The following TENM2 variants were observed in gnomAD, a reference collection of about 807,000 sequenced individuals.
TENM2 encodes teneurin transmembrane protein 2.
A neutral mutation model predicts 245.2 loss-of-function variants in TENM2; 52 were observed. The ratio of observed to expected loss-of-function variants is 0.21; its 90% CI spans 0.17 to 0.27. TENM2 has a LOEUF of 0.27. Among genes scored for constraint, TENM2 ranks in the 10% least tolerant of loss-of-function variants. The pLI is 1.00. For synonymous variants in TENM2, 1,363 were observed against 1,438.9 expected, an observed-to-expected ratio of 0.95 and a Z score of 1.19; for missense variants, 3,046 against 3,666.8, an observed-to-expected ratio of 0.83 and a Z score of 4.37.
chr5:166,979,194 C>CCACCAGCAGCAGCAGCAG, the TENM2 span, among the ~76,000 whole-genome samples: 86 of 142,130 alleles, frequency 6.1e-4, 1 homozygote, highest in African/African-American at 1.9e-3. Flanking sequence ...AGCACCACCA[C>CCACCAGCAGCAGCAGCAG]CAGCAGCAGC....
intron 2 of TENM2, among the ~76,000 whole-genome samples, chr5:167,439,165 G>T (rs1449859851): frequency 6.6e-6 from 1 of 152,136 alleles, no homozygotes; most frequent in African/African-American, 2.4e-5. Context: ...AGGTGATCAG[G>T]TTAGTTTTAA....
intron 2 of TENM2, among the ~76,000 whole-genome samples, chr5:167,557,691 C>G (rs555422484): frequency 3.3e-5 from 5 of 152,114 alleles, no homozygotes; most frequent in Non-Finnish European, 7.3e-5. Context: ...ATTCTGCCCT[C>G]CAGGGGACAT....
At chr5:166,997,519 A>G in the TENM2 span, among the ~76,000 whole-genome samples, 1 of 152,188 alleles carries the variant, frequency 6.6e-6, no homozygotes, top group African/African-American at 2.4e-5. Flanking sequence ...CATACAGCAT[A>G]TTTTATAAAT....
intron 12 of TENM2, among the ~76,000 whole-genome samples, chr5:168,158,850 T>TATACAC (rs1339051385): frequency 0.027 from 1,665 of 61,938 alleles, 43 homozygotes; most frequent in Non-Finnish European, 0.04. Flanking sequence ...TATATATATA[T>TATACAC]ACACACACAC....
At chr5:167,297,307 T>G (rs910566883) in intron 1 of TENM2, among the ~76,000 whole-genome samples, 1 of 152,166 alleles carries the variant, frequency 6.6e-6, no homozygotes, top group Non-Finnish European at 1.5e-5. Flanking sequence ...TATCGAGTAA[T>G]CATTTGCTGG....
At chr5:167,234,488 T>C in the TENM2 span, among the ~76,000 whole-genome samples, 1 of 152,128 alleles carries the variant, frequency 6.6e-6, no homozygotes, top group East Asian at 1.9e-4. Context: ...ACAGACAAAA[T>C]AGAACCACAT....
chr5:168,034,247 G>T (rs1297855743), intron 5 of TENM2, among the ~76,000 whole-genome samples: 1 of 149,544 alleles, frequency 6.7e-6, no homozygotes, highest in South Asian at 2.1e-4. Flanking sequence ...GGAGGCTGAG[G>T]CAGGAGAATG....
intron 2 of TENM2, among the ~76,000 whole-genome samples, chr5:167,543,444 T>A (rs1017999810): frequency 2.4e-4 from 36 of 152,112 alleles, no homozygotes; most frequent in Admixed American, 2.4e-3. Flanking sequence ...TGGGAATAAT[T>A]GTTCTGGCCA....
At chr5:168,123,524 A>G (rs1795628597) in intron 10 of TENM2, among the ~76,000 whole-genome samples, 1 of 152,238 alleles carries the variant, frequency 6.6e-6, no homozygotes, top group Non-Finnish European at 1.5e-5. Context: ...AATTTAAACC[A>G]TAAGACGGTA....
chr5:167,476,402 ATG>A (rs1463180665), intron 2 of TENM2, among the ~76,000 whole-genome samples: 1 of 152,176 alleles, frequency 6.6e-6, no homozygotes, highest in Non-Finnish European at 1.5e-5. Context: ...GATCTTCCAC[ATG>A]TGGACACATT....
At chr5:166,988,618 C>G in the TENM2 span, among the ~76,000 whole-genome samples, 15 of 152,178 alleles carry the variant, frequency 9.9e-5, no homozygotes, top group African/African-American at 3.6e-4. Flanking sequence ...TTCTGGCTAA[C>G]GTAGGTGGAA....
At chr5:168,071,202 C>A (rs1042022439) in intron 7 of TENM2, among the ~76,000 whole-genome samples, 4 of 152,164 alleles carry the variant, frequency 2.6e-5, no homozygotes, top group Non-Finnish European at 4.4e-5. Flanking sequence ...GTGCTCAGAG[C>A]AATCAATATT....
intron 2 of TENM2, among the ~76,000 whole-genome samples, chr5:167,871,629 C>T (rs1772835950): frequency 6.6e-6 from 1 of 152,178 alleles, no homozygotes; most frequent in Non-Finnish European, 1.5e-5. Flanking sequence ...ATGAAAAAGA[C>T]ATATTGCTGC....
At chr5:167,199,911 A>G in the TENM2 span, among the ~76,000 whole-genome samples, 1 of 152,020 alleles carries the variant, frequency 6.6e-6, no homozygotes, top group Non-Finnish European at 1.5e-5. Context: ...ATGGTGTCTT[A>G]ATTATAATTA....
intron 2 of TENM2, among the ~76,000 whole-genome samples, chr5:167,616,772 C>CA (rs1777815626): frequency 6.6e-6 from 1 of 151,970 alleles, no homozygotes; most frequent in Non-Finnish European, 1.5e-5. Flanking sequence ...TTTTGATTTA[C>CA]TCAAACATAA....
At chr5:167,569,411 A>G (rs1774133802) in intron 2 of TENM2, among the ~76,000 whole-genome samples, 1 of 152,180 alleles carries the variant, frequency 6.6e-6, no homozygotes, top group African/African-American at 2.4e-5. Context: ...TAATTTAAAC[A>G]TATATGGAAG....
intron 2 of TENM2, among the ~76,000 whole-genome samples, chr5:167,534,646 G>A (rs1369067548): frequency 6.6e-6 from 1 of 152,152 alleles, no homozygotes; most frequent in East Asian, 1.9e-4. Context: ...TGGTATCTGA[G>A]CAATGGAGTG....
Position 167,676,334 on chromosome 5 carries a change from G to A in TENM2, c.503-199652G>A, listed in dbSNP as rs568794685. 1.6e-4 allele frequency among the ~76,000 whole-genome samples: 25 copies of A among 151,636 alleles called. No individual in the cohort carries two copies. In the East Asian group the frequency reaches 2.9e-3, roughly 18 times the overall value. ...CTTTACTCATTCTTCTTCATCCATC[G>A]CTAAACAATTATCCCATAAACCAGC... On this transcript the variant is annotated intron_variant, in intron 2 of 28. Transcript: ENST00000518659.
At chr5:167,789,798 C>T (rs75249827) in intron 2 of TENM2, among the ~76,000 whole-genome samples, 13 of 152,298 alleles carry the variant, frequency 8.5e-5, no homozygotes, top group African/African-American at 3.1e-4. Flanking sequence ...CAAATCCTGG[C>T]TCAGCTTACC....
Sources: gnomAD v4.1 joint callset for allele counts (sites outside exome capture counted in the v4.1 genomes callset) on GRCh38, gnomAD v4.1.1 for gene constraint, MANE v1.5 for transcripts, NCBI Gene and HGNC (gene_info 2026-07-23, HGNC 2026-07-21) for gene names.